Variants in GABPB1 observed in about 807,000 individuals in gnomAD.
GABPB1 encodes GA binding protein transcription factor subunit beta 1.
In GABPB1, 15 loss-of-function variants were observed where a neutral mutation model predicts 45.9. The ratio of observed to expected loss-of-function variants is 0.33; its 90% CI spans 0.22 to 0.50. The LOEUF is 0.50. GABPB1 is among the 20% of genes least tolerant of loss of function. The probability of loss-of-function intolerance (pLI) is 0.98; values close to 1 mark genes in which losing one functional copy is unlikely to be tolerated. For synonymous variants in GABPB1, 143 were observed against 154.4 expected (o/e 0.93, Z 0.55); for missense variants, 252 against 457.5 (o/e 0.55, Z 4.10).
chr15:50,312,675 T>C (rs2047172974), intron 1 of GABPB1, among the ~76,000 whole-genome samples: 1 of 152,264 alleles, frequency 6.6e-6, no homozygotes, highest in African/African-American at 2.4e-5. Context: ...CTGAATGATA[T>C]AAATTTGGCT....
chr15:50,282,872 C>T (rs1010891559), intron 8 of GABPB1, among the ~76,000 whole-genome samples: 6 of 151,966 alleles, frequency 3.9e-5, no homozygotes, highest in African/African-American at 9.7e-5. Flanking sequence ...CTGGCCAACC[C>T]GGTAAAACCC....
intron 1 of GABPB1, among the ~76,000 whole-genome samples, chr15:50,344,896 A>G (rs1303365156): frequency 1.3e-5 from 2 of 152,204 alleles, no homozygotes; most frequent in Non-Finnish European, 2.9e-5. Context: ...GACTACTTCA[A>G]AATTTAAGTA....
chr15:50,340,466 G>A (rs1027405674), intron 1 of GABPB1, among the ~76,000 whole-genome samples: 10 of 147,226 alleles, frequency 6.8e-5, no homozygotes, highest in African/African-American at 2.3e-4. Context: ...GCTCCTCCTT[G>A]GCCCACCCTG....
intron 1 of GABPB1, among the ~76,000 whole-genome samples, chr15:50,327,629 C>G (rs1184785288): frequency 6.6e-6 from 1 of 152,128 alleles, no homozygotes; most frequent in Non-Finnish European, 1.5e-5. Context: ...GATGACCGGG[C>G]GTGGTGGCTC....
chr15:50,305,121 T>C (rs1490544670), intron 2 of GABPB1, among the ~76,000 whole-genome samples: 2 of 152,140 alleles, frequency 1.3e-5, no homozygotes, highest in African/African-American at 2.4e-5. Context: ...CACATGCATT[T>C]AAAGGCACAG....
At chr15:50,283,174 CTAAA>C (rs2046044698) in intron 8 of GABPB1, among the ~76,000 whole-genome samples, 1 of 152,172 alleles carries the variant, frequency 6.6e-6, no homozygotes, top group South Asian at 2.1e-4. Flanking sequence ...TCCTAATACA[CTAAA>C]TACATTTCTT....
At chr15:50,328,414 GT>G (rs987792928) in intron 1 of GABPB1, among the ~76,000 whole-genome samples, 18 of 151,764 alleles carry the variant, frequency 1.2e-4, no homozygotes, top group Admixed American at 9.9e-4. Flanking sequence ...CTCATACTGA[GT>G]TTTTTTTATT....
intron 1 of GABPB1, among the ~76,000 whole-genome samples, chr15:50,335,768 C>T (rs367904280): frequency 1.3e-5 from 2 of 151,430 alleles, no homozygotes; most frequent in East Asian, 2.0e-4. Flanking sequence ...TGGTGGCATG[C>T]GCCTGTAATC....
At chr15:50,322,787 G>A (rs916361864) in intron 1 of GABPB1, among the ~76,000 whole-genome samples, 6 of 152,120 alleles carry the variant, frequency 3.9e-5, no homozygotes, top group African/African-American at 1.4e-4. Context: ...AACACTTTGG[G>A]AGGCTGAGGC....
intron 6 of GABPB1, among the ~76,000 whole-genome samples, chr15:50,297,380 T>C (rs2046559494): frequency 6.6e-6 from 1 of 151,856 alleles, no homozygotes; most frequent in African/African-American, 2.4e-5. Flanking sequence ...ACCCAGCTAA[T>C]TTTTGTGTTT....
chr15:50,314,812 A>G (rs1047102811), intron 1 of GABPB1: 31 of 152,378 alleles, frequency 2.0e-4, no homozygotes, highest in African/African-American at 7.5e-4. Flanking sequence ...GAATGCAGCC[A>G]TACTATAAAT....
intron 1 of GABPB1, among the ~76,000 whole-genome samples, chr15:50,320,673 G>C (rs2141091089): frequency 6.6e-6 from 1 of 152,288 alleles, no homozygotes; most frequent in South Asian, 2.1e-4. Context: ...GACTAGGGTG[G>C]TTATCCTGGA....
chr15:50,339,201 C>T (rs889664808), intron 1 of GABPB1, among the ~76,000 whole-genome samples: 3 of 152,116 alleles, frequency 2.0e-5, no homozygotes, highest in African/African-American at 7.2e-5. Flanking sequence ...GCCTGTAGTC[C>T]CAGTTACTCA....
At chr15:50,298,194 T>A (rs976283319) in intron 6 of GABPB1, among the ~76,000 whole-genome samples, 1 of 152,174 alleles carries the variant, frequency 6.6e-6, no homozygotes, top group Non-Finnish European at 1.5e-5. Flanking sequence ...AAGGCTCAAG[T>A]GATCCTCCCA....
intron 1 of GABPB1, among the ~76,000 whole-genome samples, chr15:50,318,253 A>C (rs1474306735): frequency 3.3e-5 from 5 of 152,308 alleles, no homozygotes; most frequent in Middle Eastern, 3.4e-3. Context: ...CCTGTGTTCT[A>C]AGTTGAAGAA....
At chr15:50,327,827 A>C (rs1413972882) in intron 1 of GABPB1, among the ~76,000 whole-genome samples, 1 of 151,730 alleles carries the variant, frequency 6.6e-6, no homozygotes, top group Non-Finnish European at 1.5e-5. Flanking sequence ...TGAACCCGGG[A>C]GGTGGAGGTT....
intron 1 of GABPB1, among the ~76,000 whole-genome samples, chr15:50,334,050 A>G (rs367547652): frequency 6.6e-6 from 1 of 151,852 alleles, no homozygotes; most frequent in East Asian, 1.9e-4. Flanking sequence ...AAAAAGAAAA[A>G]GAAAAAAAGA....
At chr15:50,286,017 A>G in intron 8 of GABPB1, 51 bp downstream of exon 8, 3 of 1,585,604 alleles carry the variant, frequency 1.9e-6, no homozygotes, top group Non-Finnish European at 2.6e-6. Context: ...AAAAAAATTG[A>G]ATTTATTTTG....
In GABPB1 at chr15:50,289,545, T is replaced by G. The variant is rs1214064672; in HGVS notation, c.821A>C (p.His274Pro). 1.9e-6 allele frequency: 3 copies of G among 1,613,472 alleles called. No individual in the cohort carries two copies. Among genetic ancestry groups the G allele is most frequent in the East Asian group, 2.2e-5 (1 of 44,856 alleles). Residue 274 changes from histidine to proline, a missense_variant, in exon 7 of 9, where the codon CAC becomes CCC. By Grantham distance (77) the His-to-Pro change is moderately conservative. Around this residue, in one of 4 missense-constraint regions of GABPB1, gnomAD observed 193 missense variants for 259.9 expected, o/e 0.74. Transcript: ENST00000380877. ...VTDGIQLGNLHSIPTSGIGQP... is the reference protein window; with the variant it reads ...VTDGIQLGNLPSIPTSGIGQP... ...ACCAATTCCACTGGTTGGAATAGAG[T>G]GCAAATTTCCAAGCTGAATTCCATC...
Sources: allele counts gnomAD v4.1 joint callset (sites outside exome capture counted in the v4.1 genomes callset), GRCh38; gene constraint gnomAD v4.1.1; regional missense constraint gnomAD v4.1.1; transcripts MANE v1.5; gene names NCBI Gene and HGNC (gene_info 2026-07-23, HGNC 2026-07-21).